Variants in RNF213 observed in about 807,000 individuals in gnomAD.
RNF213 encodes the protein ring finger protein 213, also known as E3 ubiquitin-protein ligase RNF213.
In RNF213, 341 loss-of-function variants were observed where a neutral mutation model predicts 514.4. The ratio of observed to expected loss-of-function variants is 0.66; its 90% CI spans 0.61 to 0.73. The LOEUF is 0.73. RNF213 is among the 30% of genes least tolerant of loss of function. The pLI is 0.00. For missense variants in RNF213, 5,767 were observed against 6,615.6 expected (o/e 0.87, Z 4.45); for synonymous variants, 2,655 against 2,658.2 (o/e 1.00, Z 0.04).
At chr17:80,289,515 G>T (rs892106263) in intron 5 of RNF213, 144 bp from the exon 6 acceptor site, 85 of 834,858 alleles carry the variant, frequency 1.0e-4, no homozygotes, top group East Asian at 5.3e-5. Context: ...GCTTGAGCCT[G>T]GGAGGCGGAG....
chr17:80,373,118 G>A lies in RNF213; in HGVS notation c.12895G>A (p.Gly4299Ser), dbSNP rs1008157377. Residue 4299 changes from glycine to serine, a missense_variant, in exon 49 of 68, where the codon GGC (glycine) becomes AGC (serine). Gly to Ser is a moderately conservative substitution (Grantham distance 56, BLOSUM62 0). Transcript: ENST00000582970. ...GTTCGTGCAGGGCCTCTCCAAGCCC[G>A]GCCGCCCGCACCAGTGGGTGTTTCC... Reference protein sequence around the residue: ...MEFVQGLSKPGRPHQWVFPKD... With the variant: ...MEFVQGLSKPSRPHQWVFPKD... The A allele has an allele frequency of 2.2e-5, 35 of 1,613,246 alleles. No individual in the cohort carries two copies. In the Middle Eastern group the frequency reaches 6.7e-4, roughly 31 times the overall value.
intron 2 of RNF213, among the ~76,000 whole-genome samples, chr17:80,268,427 A>G (rs974126301): frequency 2.0e-5 from 3 of 151,334 alleles, no homozygotes; most frequent in Admixed American, 2.0e-4. Context: ...TGCCACCACC[A>G]AGCACTCCAA....
At chr17:80,314,268 G>A (rs2045744239) in intron 15 of RNF213, among the ~76,000 whole-genome samples, 1 of 110,704 alleles carries the variant, frequency 9.0e-6, no homozygotes, top group Non-Finnish European at 1.8e-5. Flanking sequence ...GGTGGTAAAG[G>A]TGATGGTGGA....
chr17:80,271,464 A>T (rs1198269223), intron 2 of RNF213, among the ~76,000 whole-genome samples: 1 of 152,148 alleles, frequency 6.6e-6, no homozygotes, highest in Non-Finnish European at 1.5e-5. Context: ...AAGTGTCCAG[A>T]CAGGGGCGCA....
chr17:80,333,415 TG>T (rs2046473682), intron 21 of RNF213, among the ~76,000 whole-genome samples: 1 of 149,214 alleles, frequency 6.7e-6, no homozygotes, highest in Non-Finnish European at 1.5e-5. Flanking sequence ...AGAATTTAGC[TG>T]GGCACAGTGG....
Position 80,263,150 on chromosome 17 carries a change from C to T in RNF213, c.-108-424C>T, listed in dbSNP as rs764946551. Among the ~76,000 whole-genome samples the T allele has an allele frequency of 1.3e-5, 2 of 152,164 alleles. No individual in the cohort carries two copies. Among genetic ancestry groups the T allele is most frequent in the African/African-American group, 2.4e-5 (1 of 41,438 alleles). ...GGCAGGTGGTCAGTGCAGAGTGGCG[C>T]GCTTTGTGGATGGCAGCCTCCCCCC... is the stretch of plus-strand genomic sequence containing the variant. On this transcript the variant is annotated intron_variant, in intron 1 of 67. Transcript: ENST00000582970. The surrounding 1 kb of genome is among the most constrained non-coding windows in gnomAD (Gnocchi z 4.9).
intron 11 of RNF213, among the ~76,000 whole-genome samples, chr17:80,304,014 C>A (rs1355008828): frequency 1.3e-5 from 2 of 150,126 alleles, no homozygotes; most frequent in Non-Finnish European, 3.0e-5. Flanking sequence ...ATGGATGGTC[C>A]ATATTTACCT....
intron 67 of RNF213, among the ~76,000 whole-genome samples, chr17:80,391,968 A>G (rs994409397): frequency 6.0e-5 from 9 of 150,932 alleles, no homozygotes; most frequent in East Asian, 2.0e-4. Flanking sequence ...GGGTTTCACC[A>G]TGTTGACCAG....
In RNF213 at chr17:80,325,044, C is replaced by T; in HGVS notation, c.3039C>T (p.Ile1013=). 1 of 1,537,136 alleles carries T rather than the reference C, an allele frequency of 6.5e-7. No homozygotes were observed. Among genetic ancestry groups the T allele is most frequent in the South Asian group, 1.2e-5 (1 of 84,054 alleles). ...VSSACQSQTS[I]LQGFSYSDLR... ...TTTTCTTGTAGTCTCAGACCAGTATCCTTCAGGGGTTCTCTTACTCTGATT... is the reference window on the plus strand; with the variant it reads ...TTTTCTTGTAGTCTCAGACCAGTATTCTTCAGGGGTTCTCTTACTCTGATT... Residue 1013 remains isoleucine (I), a synonymous_variant, in exon 18 of 68, where the codon ATC becomes ATT. Transcript: ENST00000582970.
In RNF213 at chr17:80,274,912, G is replaced by A. The variant is rs115824037; in HGVS notation, c.261+1508G>A. Among the ~76,000 whole-genome samples the A allele has an allele frequency of 1.3e-3, 158 of 126,048 alleles. 2 individuals carry two copies. The highest frequency in any genetic ancestry group is 4.9e-3 in the African/African-American group (150 of 30,762). 82.7% of individuals were successfully genotyped at this position (126,048 alleles called of 152,430 possible). A position where few individuals can be genotyped will look rare whatever the true frequency, so the allele number is the denominator to read the frequency against. On this transcript the variant is annotated intron_variant, in intron 3 of 67. Coordinates refer to ENST00000582970, the MANE Select transcript of RNF213 (RefSeq NM_001256071.3). ...ATGTGTGTGTGTTGGGGGTGTGTGA[G>A]TGGGGTGTGAGTGGGGTGTGTGTGT...
In RNF213 at chr17:80,380,924, C is replaced by T. The variant is rs1227204229; in HGVS notation, c.13734C>T (p.Val4578=). Residue 4578 remains valine, a synonymous_variant, in exon 56 of 68, where the codon GTC becomes GTT. Transcript: ENST00000582970. ...GTGACCGAGGGCTGCCCCCAGTGGT[C>T]TTCCTCCTTATCCGGCTACTCACTC... ...VTCDRGLPPV[V]FLLIRLLTHL... 1 of 1,614,170 alleles carries T rather than the reference C, an allele frequency of 6.2e-7. No homozygotes were observed. Among genetic ancestry groups the T allele is most frequent in the Non-Finnish European group, 8.5e-7 (1 of 1,180,040 alleles).
At position 80,306,553 on chromosome 17, in the gene RNF213, C is replaced by A. The variant is rs748881363; in HGVS notation, c.2427+85C>A. On this transcript the variant is annotated intron_variant, in intron 12 of 67. Coordinates refer to ENST00000582970, the MANE Select transcript of RNF213 (RefSeq NM_001256071.3). Reference sequence around the variant, plus strand: ...ACATGGAAAGCTCAGGATTCTTATTCCTAAAAAACAGACAGTGGGCTGGGT... The same window carrying A: ...ACATGGAAAGCTCAGGATTCTTATTACTAAAAAACAGACAGTGGGCTGGGT... The A allele has an allele frequency of 1.3e-3, 1,867 of 1,387,676 alleles. 2 individuals are homozygous for A. Among genetic ancestry groups the A allele is most frequent in the Non-Finnish European group, 1.8e-3 (1,740 of 992,668 alleles). 86.0% of individuals were successfully genotyped at this position (1,387,676 alleles called of 1,614,324 possible).
intron 16 of RNF213, 141 bp from the exon 17 acceptor site, chr17:80,319,049 T>G: frequency 6.3e-7 from 1 of 1,581,352 alleles, no homozygotes; most frequent in Non-Finnish European, 8.6e-7. Context: ...GGACATGCTT[T>G]GCGTGGGCCA....
rs1242744488 is a variant in RNF213 at position 80,388,697 on chromosome 17, C to T, written c.15000+8C>T. On this transcript the variant is annotated splice_region_variant and intron_variant, in intron 64 of 67. Coordinates refer to ENST00000582970, the MANE Select transcript of RNF213 (RefSeq NM_001256071.3). The stretch of plus-strand genomic sequence containing the variant: ...AAGAACAAAATGGCACAGGTGATCC[C>T]GATAAACCTGATCCTGTGCACGGGG... The T allele has an allele frequency of 2.5e-6, 4 of 1,593,824 alleles. No homozygotes were observed. The highest frequency in any genetic ancestry group is 1.7e-5 in the Admixed American group (1 of 59,970).
intron 3 of RNF213, among the ~76,000 whole-genome samples, chr17:80,277,685 T>G (rs67982382): frequency 0.39 from 58,382 of 151,100 alleles, 11,583 homozygotes; most frequent in Non-Finnish European, 0.44. Context: ...TGCCGATGGG[T>G]TGTCTCTGGT....
intron 20 of RNF213, among the ~76,000 whole-genome samples, chr17:80,330,253 C>A (rs965949908): frequency 1.3e-5 from 2 of 152,236 alleles, no homozygotes; most frequent in African/African-American, 4.8e-5. Context: ...TCATGTGCTG[C>A]TTCCTCCAGG....
rs779131246 is a variant in RNF213 at position 80,289,852 on chromosome 17, G to C, written c.1112+15G>C. Reference sequence around the variant, plus strand: ...GTGAAGGCAAGGTAGGGATGCCCCCGCAGGGGAGCAAAGGAGACCCTGCCT... The same window carrying C: ...GTGAAGGCAAGGTAGGGATGCCCCCCCAGGGGAGCAAAGGAGACCCTGCCT... On this transcript the variant is annotated intron_variant, in intron 6 of 67. Transcript: ENST00000582970. The C allele has an allele frequency of 8.7e-6, 14 of 1,600,478 alleles. No homozygotes were observed. The highest frequency in any genetic ancestry group is 1.3e-5 in the African/African-American group (1 of 74,686).
At chr17:80,296,550 C>T (rs1417205010) in intron 10 of RNF213, among the ~76,000 whole-genome samples, 1 of 152,190 alleles carries the variant, frequency 6.6e-6, no homozygotes, top group Non-Finnish European at 1.5e-5. Flanking sequence ...TGGCCTTTGA[C>T]TTGGTACCTG....
chr17:80,322,479 G>A (rs2143865550), intron 17 of RNF213, among the ~76,000 whole-genome samples: 1 of 152,238 alleles, frequency 6.6e-6, no homozygotes, highest in Non-Finnish European at 1.5e-5. Flanking sequence ...GGGAGGCTGA[G>A]GCCAGAGAAT....
Sources: allele counts gnomAD v4.1 joint callset (sites outside exome capture counted in the v4.1 genomes callset), GRCh38; gene constraint gnomAD v4.1.1; non-coding constraint Gnocchi (gnomAD v3.1); transcripts MANE v1.5; gene names NCBI Gene and HGNC (gene_info 2026-07-23, HGNC 2026-07-21).